The following MCTP1 variants were observed in gnomAD, a reference collection of about 807,000 sequenced individuals.
The protein encoded by MCTP1 is multiple C2 and transmembrane domain containing 1.
Under a neutral mutation model 120.6 loss-of-function variants are expected in MCTP1, and 69 were observed. That is an observed-to-expected ratio of 0.57 (90% CI 0.47 to 0.70). The LOEUF (loss-of-function observed/expected upper bound fraction) is 0.70. MCTP1 is among the 30% of genes least tolerant of loss of function. The pLI, the probability that MCTP1 is intolerant of heterozygous loss-of-function variation, is 0.00. For missense variants in MCTP1, 1,203 were observed against 1,248.8 expected (o/e 0.96, Z 0.55); for synonymous variants, 529 against 493.1 (o/e 1.07, Z -0.96).
intron 1 of MCTP1, among the ~76,000 whole-genome samples, chr5:95,192,564 A>T (rs996504446): frequency 2.6e-5 from 4 of 152,102 alleles, no homozygotes; most frequent in African/African-American, 9.6e-5. Context: ...GGTAGGATAC[A>T]ATAAAAGGGC....
At chr5:95,050,217 C>A (rs1021034024) in intron 1 of MCTP1, among the ~76,000 whole-genome samples, 20 of 151,940 alleles carry the variant, frequency 1.3e-4, no homozygotes, top group Non-Finnish European at 2.6e-4. Flanking sequence ...AAAATTAAAC[C>A]ACAGAATATC....
Position 95,111,016 on chromosome 5 carries a change from C to T in MCTP1, c.721-93532G>A, listed in dbSNP as rs967173624. On this transcript the variant is annotated intron_variant, in intron 1 of 22. Coordinates refer to ENST00000515393, the MANE Select transcript of MCTP1 (RefSeq NM_024717.7). ...TATTTTGTAATGGGGAAAAAGAAAG[C>T]GTCAATTCCTGGTACTAATAATGTG... Among the ~76,000 whole-genome samples the T allele has an allele frequency of 3.9e-5, 6 of 152,214 alleles. No individual in the cohort carries two copies. In the South Asian group the frequency reaches 6.2e-4, roughly 16 times the overall value.
intron 2 of MCTP1, among the ~76,000 whole-genome samples, chr5:94,974,170 T>C (rs889684010): frequency 6.6e-6 from 1 of 152,186 alleles, no homozygotes; most frequent in Non-Finnish European, 1.5e-5. Flanking sequence ...AAAATGGTTA[T>C]CAAATCTCTG....
At chr5:95,221,568 T>G (rs1753700555) in intron 1 of MCTP1, among the ~76,000 whole-genome samples, 1 of 152,240 alleles carries the variant, frequency 6.6e-6, no homozygotes, top group African/African-American at 2.4e-5. Context: ...TAAAGCAGAC[T>G]GACATCACCA....
At chr5:95,251,855 G>A (rs780997385) in intron 1 of MCTP1, among the ~76,000 whole-genome samples, 15 of 152,100 alleles carry the variant, frequency 9.9e-5, no homozygotes, top group South Asian at 2.1e-4. Flanking sequence ...AAACTGAGGT[G>A]CAAAGAGATT....
chr5:94,890,431 C>T (rs1190020767), intron 11 of MCTP1, among the ~76,000 whole-genome samples: 1 of 152,070 alleles, frequency 6.6e-6, no homozygotes, highest in Non-Finnish European at 1.5e-5. Context: ...TTGGAAATTG[C>T]ATGGGTTAGA....
chr5:94,960,810 T>C (rs1265593013), intron 2 of MCTP1, among the ~76,000 whole-genome samples: 1 of 152,174 alleles, frequency 6.6e-6, no homozygotes, highest in Non-Finnish European at 1.5e-5. Context: ...AAGAATGCTT[T>C]TACACTGTTG....
chr5:95,252,061 C>T (rs927530595), intron 1 of MCTP1, among the ~76,000 whole-genome samples: 5 of 152,006 alleles, frequency 3.3e-5, no homozygotes, highest in Admixed American at 2.6e-4. Context: ...AGAAAGAAAT[C>T]GTACCCTTTT....
Position 94,799,096 on chromosome 5 carries a change from T to C in MCTP1, c.2473A>G (p.Met825Val). Residue 825 changes from methionine to valine, a missense_variant, in exon 18 of 23, where the codon ATG (methionine) becomes GTG (valine). Transcript: ENST00000515393. ...AGTAACAACAAAACCAGTGGTATCATGTAGAGCTCAAAGTTCCAGACAACA... is the reference window on the plus strand; with the variant it reads ...AGTAACAACAAAACCAGTGGTATCACGTAGAGCTCAAAGTTCCAGACAACA... ...LFVVWNFELY[M>V]IPLVLLLLLT... 6.2e-7 allele frequency: 1 copy of C among 1,612,166 alleles called. No homozygotes were observed. The highest frequency in any genetic ancestry group is 1.1e-5 in the South Asian group (1 of 90,948).
At position 94,803,985 on chromosome 5, in the gene MCTP1, G is replaced by A. The variant is rs1781738404; in HGVS notation, c.2437-4853C>T. Among the ~76,000 whole-genome samples the A allele has an allele frequency of 2.0e-5, 3 of 152,150 alleles. No homozygotes were observed. The South Asian group carries it at 6.2e-4, about 32-fold the overall frequency. On this transcript the variant is annotated intron_variant, in intron 17 of 22. Transcript: ENST00000515393. ...GGGCATAGCTGCCTCCATCACCCCA[G>A]TTGAAAGCCAGACAGCATCCAAAGC...
intron 3 of MCTP1, among the ~76,000 whole-genome samples, chr5:94,942,725 G>T (rs576668520): frequency 4.6e-5 from 7 of 152,008 alleles, no homozygotes; most frequent in Non-Finnish European, 8.8e-5. Context: ...AAAAAGCATA[G>T]AATTCAACAA....
At chr5:94,724,779 A>G (rs1314489362) in intron 19 of MCTP1, among the ~76,000 whole-genome samples, 1 of 152,104 alleles carries the variant, frequency 6.6e-6, no homozygotes, top group Non-Finnish European at 1.5e-5. Flanking sequence ...CCTTTGACTT[A>G]ATTGCCCAGC....
chr5:94,738,076 T>A (rs922408434), intron 19 of MCTP1, among the ~76,000 whole-genome samples: 4 of 152,262 alleles, frequency 2.6e-5, no homozygotes, highest in Non-Finnish European at 4.4e-5. Flanking sequence ...CTAGTGGCAC[T>A]TGTGGCAAAC....
chr5:94,992,601 C>T (rs548310183), intron 2 of MCTP1, among the ~76,000 whole-genome samples: 1 of 152,272 alleles, frequency 6.6e-6, no homozygotes, highest in East Asian at 1.9e-4. Flanking sequence ...GTGCGTTTGG[C>T]CCATGCATAG....
intron 2 of MCTP1, among the ~76,000 whole-genome samples, chr5:95,016,749 T>A (rs1562022267): frequency 6.6e-6 from 1 of 152,082 alleles, no homozygotes; most frequent in Non-Finnish European, 1.5e-5. Flanking sequence ...CCTGCCTCTA[T>A]CCTGGGTTCA....
chr5:94,971,714 G>A (rs764669615), intron 2 of MCTP1, among the ~76,000 whole-genome samples: 3 of 152,104 alleles, frequency 2.0e-5, no homozygotes, highest in East Asian at 3.8e-4. Context: ...ATGTGAGGTC[G>A]AAGGAGACTT....
intron 2 of MCTP1, among the ~76,000 whole-genome samples, chr5:94,996,084 G>T (rs1675477201): frequency 6.6e-6 from 1 of 152,040 alleles, no homozygotes; most frequent in South Asian, 2.1e-4. Context: ...TGTTAAATTG[G>T]CTTAAAAGAC....
chr5:95,187,784 T>C lies in MCTP1; in HGVS notation c.720+96072A>G, dbSNP rs1023850464. Among the ~76,000 whole-genome samples the C allele has an allele frequency of 5.9e-5, 9 of 152,200 alleles. No individual in the cohort carries two copies. In the South Asian group the frequency reaches 1.9e-3, roughly 32 times the overall value. On this transcript the variant is annotated intron_variant, in intron 1 of 22. Coordinates refer to ENST00000515393, the MANE Select transcript of MCTP1 (RefSeq NM_024717.7). ...AGTTAATGGGTACAAAAAGAAACAA[T>C]GAATAAGACCTACTATTTGATAGCA... is the stretch of plus-strand genomic sequence containing the variant.
At chr5:95,076,656 C>T (rs1753659456) in intron 1 of MCTP1, among the ~76,000 whole-genome samples, 1 of 152,088 alleles carries the variant, frequency 6.6e-6, no homozygotes, top group South Asian at 2.1e-4. Flanking sequence ...GAAATCACCA[C>T]CAGAAAACAG....
Sources: gnomAD v4.1 joint callset for allele counts (sites outside exome capture counted in the v4.1 genomes callset) on GRCh38, gnomAD v4.1.1 for gene constraint, MANE v1.5 for transcripts, NCBI Gene and HGNC (gene_info 2026-07-23, HGNC 2026-07-21) for gene names.